ARSG: variants seen among roughly 807,000 people sequenced by gnomAD.
The protein encoded by ARSG is arylsulfatase G.
In ARSG, 37 loss-of-function variants were observed where a neutral mutation model predicts 50.5. The ratio of observed to expected loss-of-function variants is 0.73; its 90% CI spans 0.56 to 0.96. ARSG has a LOEUF of 0.96. ARSG is among the 50% of genes least tolerant of loss of function. The pLI is 0.00. For missense variants in ARSG, 629 were observed against 675.3 expected (o/e 0.93, Z 0.76); for synonymous variants, 225 against 254.6 (o/e 0.88, Z 1.11).
the ARSG span, among the ~76,000 whole-genome samples, chr17:68,444,819 A>C: frequency 6.6e-6 from 1 of 152,070 alleles, no homozygotes; most frequent in Non-Finnish European, 1.5e-5. Context: ...TTAGAAATTA[A>C]GATTGTTTTT....
rs189864414 is a variant in ARSG at position 68,374,955 on chromosome 17, G to A, written c.982+4431G>A. 2.5e-3 allele frequency among the ~76,000 whole-genome samples: 387 copies of A among 151,930 alleles called. 5 individuals are homozygous for A. The highest frequency in any genetic ancestry group is 6.0e-3 in the African/African-American group (249 of 41,440). On this transcript the variant is annotated intron_variant, in intron 8 of 11. Coordinates refer to ENST00000621439, the MANE Select transcript of ARSG (RefSeq NM_001267727.2). ...TCCTTCCTTCCTCCTGTAAGCATTC[G>A]TTGAGTGCCTACTGTTTTCTATTCC...
chr17:68,351,505 G>T (rs752453483), intron 4 of ARSG, 70 bp from the exon 5 acceptor site: 1 of 801,892 alleles, frequency 1.2e-6, no homozygotes. Flanking sequence ...CATTTTTGTC[G>T]TGGGTGTACA....
chr17:68,429,954 C>T, the ARSG span: 71 of 1,609,966 alleles, frequency 4.4e-5, no homozygotes, highest in Middle Eastern at 4.9e-4. Context: ...AATACATTGA[C>T]GAAAGTGTGG....
At chr17:68,319,798 G>T (rs1280778835) in intron 2 of ARSG, among the ~76,000 whole-genome samples, 1 of 152,192 alleles carries the variant, frequency 6.6e-6, no homozygotes, top group Non-Finnish European at 1.5e-5. Flanking sequence ...GTAGTGTGCT[G>T]TGAGAGTGGA....
chr17:68,366,085 C>T (rs2146657889), intron 6 of ARSG, among the ~76,000 whole-genome samples: 1 of 152,010 alleles, frequency 6.6e-6, no homozygotes, highest in Admixed American at 6.5e-5. Flanking sequence ...TTACAGGCAC[C>T]TGCCACCACG....
chr17:68,273,099 C>A (rs1460729490), intron 1 of ARSG, among the ~76,000 whole-genome samples: 4 of 151,466 alleles, frequency 2.6e-5, no homozygotes, highest in Non-Finnish European at 5.9e-5. Flanking sequence ...AGAAATAAGT[C>A]ATTTCATATG....
chr17:68,427,764 C>A, the ARSG span, among the ~76,000 whole-genome samples: 1 of 152,204 alleles, frequency 6.6e-6, no homozygotes, highest in Non-Finnish European at 1.5e-5. Flanking sequence ...TCCCAGTACA[C>A]ACAGGTGAGG....
In ARSG at chr17:68,293,492, C is replaced by A. The variant is rs181909121; in HGVS notation, c.-552+1924C>A. ...AACCTGGCTTTTGGGGAGCATGATT[C>A]TAATAATAATAATAATAATAATAAT... is the stretch of plus-strand genomic sequence containing the variant. On this transcript the variant is annotated intron_variant, in intron 1 of 11. Transcript: ENST00000621439. Among the ~76,000 whole-genome samples, 46 of 150,648 alleles carry A rather than the reference C, an allele frequency of 3.1e-4. No homozygotes were observed. The East Asian group carries it at 8.7e-3, about 29-fold the overall frequency.
intron 2 of ARSG, among the ~76,000 whole-genome samples, chr17:68,323,803 T>A (rs1194365888): frequency 2.0e-5 from 3 of 152,194 alleles, no homozygotes; most frequent in Non-Finnish European, 4.4e-5. Context: ...CTGGGTGCTG[T>A]AGCTCATGCC....
chr17:68,279,819 T>G (rs961854160), intron 1 of ARSG, among the ~76,000 whole-genome samples: 13 of 152,202 alleles, frequency 8.5e-5, no homozygotes, highest in Non-Finnish European at 1.9e-4. Flanking sequence ...AACTAAAAAT[T>G]AATGATATCT....
chr17:68,399,270 C>G lies in ARSG; in HGVS notation c.1213-2090C>G, dbSNP rs2081376360. Among the ~76,000 whole-genome samples, 1 of 152,126 alleles carries G rather than the reference C, an allele frequency of 6.6e-6. No individual in the cohort carries two copies. The highest frequency in any genetic ancestry group is 6.5e-5 in the Admixed American group (1 of 15,284). Reference sequence around the variant, plus strand: ...CATCTGGCGTGGCTGGCAAACTGACCACCCCCATCCACCCCCTTTGGAGGC... The same window carrying G: ...CATCTGGCGTGGCTGGCAAACTGACGACCCCCATCCACCCCCTTTGGAGGC... On this transcript the variant is annotated intron_variant, in intron 10 of 11. Coordinates refer to ENST00000621439, the MANE Select transcript of ARSG (RefSeq NM_001267727.2). The surrounding 1 kb of genome is among the most constrained non-coding windows in gnomAD (Gnocchi z 4.6).
At chr17:68,293,788 C>G (rs923049812) in intron 1 of ARSG, among the ~76,000 whole-genome samples, 1 of 152,140 alleles carries the variant, frequency 6.6e-6, no homozygotes, top group Non-Finnish European at 1.5e-5. Flanking sequence ...CCAAAGATGA[C>G]ATTTGCCATC....
At position 68,296,461 on chromosome 17, in the gene ARSG, C is replaced by T. The variant is rs556589692; in HGVS notation, c.-552+4893C>T. On this transcript the variant is annotated intron_variant, in intron 1 of 11. Coordinates refer to ENST00000621439, the MANE Select transcript of ARSG (RefSeq NM_001267727.2). ...TTTAACCCTTTAGGAGCAGTGCCTC[C>T]GTGAGTTTCCAGATGGCTAGGGGAC... Among the ~76,000 whole-genome samples the T allele has an allele frequency of 6.6e-5, 10 of 152,288 alleles. No homozygotes were observed. The East Asian group carries it at 1.7e-3, about 26-fold the overall frequency.
At chr17:68,268,865 T>A in intron 1 of ARSG, 1 of 684,160 alleles carries the variant, frequency 1.5e-6, no homozygotes, top group Non-Finnish European at 2.3e-6. Flanking sequence ...TATGGAAGAG[T>A]GCTTGGTTGT....
At chr17:68,332,377 T>C (rs1347375129) in intron 2 of ARSG, among the ~76,000 whole-genome samples, 1 of 152,192 alleles carries the variant, frequency 6.6e-6, no homozygotes. Flanking sequence ...GATGCCCAGA[T>C]TTCATATTGT....
At chr17:68,433,553 C>G in the ARSG span, 1 of 1,613,714 alleles carries the variant, frequency 6.2e-7, no homozygotes, top group Non-Finnish European at 8.5e-7. Context: ...ATACTGAACA[C>G]TAGAGAGCTG....
At chr17:68,337,711 G>C (rs1204246086) in intron 2 of ARSG, among the ~76,000 whole-genome samples, 1 of 152,106 alleles carries the variant, frequency 6.6e-6, no homozygotes, top group Non-Finnish European at 1.5e-5. Flanking sequence ...TCTGTCCCCT[G>C]GATTCCAGTG....
intron 9 of ARSG, among the ~76,000 whole-genome samples, 199 bp from the exon 10 acceptor site, chr17:68,394,874 C>T (rs928150895): frequency 3.3e-5 from 5 of 152,154 alleles, no homozygotes; most frequent in South Asian, 2.1e-4. Flanking sequence ...GGTGCTGAAC[C>T]GCTGCACCAT....
chr17:68,312,408 C>T (rs1555767081), intron 2 of ARSG, among the ~76,000 whole-genome samples: 1 of 152,014 alleles, frequency 6.6e-6, no homozygotes, highest in African/African-American at 2.4e-5. Context: ...CTCCAAAGGG[C>T]GTGGGTTGCC....
Sources: gnomAD v4.1 joint callset for allele counts (sites outside exome capture counted in the v4.1 genomes callset) on GRCh38, gnomAD v4.1.1 for gene constraint, Gnocchi (gnomAD v3.1) non-coding constraint, MANE v1.5 for transcripts, NCBI Gene and HGNC (gene_info 2026-07-23, HGNC 2026-07-21) for gene names.